MDGA2: variants seen among roughly 807,000 people sequenced by gnomAD.
MDGA2 encodes MAM domain-containing glycosylphosphatidylinositol anchor protein 2.
MDGA2 carries 40 observed loss-of-function variants against 117.8 expected under a neutral mutation model. That is an observed-to-expected ratio of 0.34 (90% CI 0.26 to 0.44). The LOEUF is 0.44. MDGA2 is among the 20% of genes least tolerant of loss of function. MDGA2 has a pLI of 1.00. For missense variants in MDGA2, 1,123 were observed against 1,250.6 expected (o/e 0.90, Z 1.54); for synonymous variants, 452 against 439.0 (o/e 1.03, Z -0.37).
chr14:46,926,846 TA>T, intron 9 of MDGA2, among the ~76,000 whole-genome samples: 1 of 151,948 alleles, frequency 6.6e-6, no homozygotes, highest in East Asian at 1.9e-4. Context: ...AGGAAACTAG[TA>T]AAAAAATACT....
At chr14:47,334,936 G>A (rs1415570484) in intron 1 of MDGA2, among the ~76,000 whole-genome samples, 1 of 151,834 alleles carries the variant, frequency 6.6e-6, no homozygotes, top group Non-Finnish European at 1.5e-5. Flanking sequence ...TAAAACAATG[G>A]GAATGTGAAT....
intron 9 of MDGA2, among the ~76,000 whole-genome samples, chr14:46,929,809 G>C (rs1435303060): frequency 1.3e-5 from 2 of 149,824 alleles, no homozygotes; most frequent in East Asian, 4.0e-4. Flanking sequence ...TCTAATTTTT[G>C]TATTTTTAGT....
intron 1 of MDGA2, among the ~76,000 whole-genome samples, chr14:47,592,458 C>T (rs898999480): frequency 5.3e-5 from 8 of 152,050 alleles, no homozygotes; most frequent in African/African-American, 1.9e-4. Flanking sequence ...AAGAACAAAG[C>T]TGGAGGCATC....
rs1043297221 is a variant in MDGA2, at chr14:46,957,485, G to A, written c.1978C>T (p.Gln660Ter). The A allele has an allele frequency of 6.2e-7, 1 of 1,614,092 alleles. No individual in the cohort carries two copies. Among genetic ancestry groups the A allele is most frequent in the Non-Finnish European group, 8.5e-7 (1 of 1,180,018 alleles). ...TTCACAGCGTACTCTGTGTATTCCT[G>A]AGAGTCAAATTGACCCGTCCGTAAT... ...KLLRTGQFDSQEYTEYAVKSL... is the reference protein window; with the variant it reads ...KLLRTGQFDS The change falls in exon 9 of 17, where the codon CAG (glutamine) becomes TAG (stop). Residue 660 changes from glutamine (Q) to a stop codon, truncating the protein, a stop_gained. Transcript: ENST00000399232. LOFTEE classifies it high-confidence loss of function.
intron 8 of MDGA2, among the ~76,000 whole-genome samples, chr14:46,987,935 G>T (rs1886925082): frequency 6.9e-6 from 1 of 144,834 alleles, no homozygotes; most frequent in African/African-American, 2.5e-5. Context: ...GGTGGGGGGG[G>T]GTGCGCGCGT....
intron 8 of MDGA2, among the ~76,000 whole-genome samples, chr14:47,005,041 C>A (rs1288445888): frequency 6.6e-6 from 1 of 151,538 alleles, no homozygotes; most frequent in Non-Finnish European, 1.5e-5. Flanking sequence ...ATGATAAGAT[C>A]ATCTGTGAAT....
At chr14:46,959,266 T>C (rs1190545245) in intron 8 of MDGA2, among the ~76,000 whole-genome samples, 1 of 121,396 alleles carries the variant, frequency 8.2e-6, no homozygotes, top group Non-Finnish European at 1.6e-5. Context: ...TGTGTGTGTG[T>C]GTGTGTGTGT....
chr14:47,535,059 T>C (rs1263974116), intron 1 of MDGA2, among the ~76,000 whole-genome samples: 1 of 152,210 alleles, frequency 6.6e-6, no homozygotes, highest in Non-Finnish European at 1.5e-5. Flanking sequence ...CAACATGTTT[T>C]TTACTTCTGT....
At position 47,639,155 on chromosome 14, in the gene MDGA2, T is replaced by G. The variant is rs141552240; in HGVS notation, c.280+35362A>C. 1.2e-3 allele frequency among the ~76,000 whole-genome samples: 185 copies of G among 152,334 alleles called. 1 individual carries two copies. Among genetic ancestry groups the G allele is most frequent in the African/African-American group, 4.3e-3 (180 of 41,578 alleles). On this transcript the variant is annotated intron_variant, in intron 1 of 16. Transcript: ENST00000399232. ...TTATTTTATATTTCTTTATAGCACT[T>G]ATCACCACCTGATATGCGTGAGTAT...
At chr14:47,152,631 T>C (rs1390902271) in intron 3 of MDGA2, among the ~76,000 whole-genome samples, 1 of 152,062 alleles carries the variant, frequency 6.6e-6, no homozygotes, top group African/African-American at 2.4e-5. Context: ...GTAAGCATTA[T>C]GTAAATAACT....
In MDGA2 at chr14:47,345,240, C is replaced by A. The variant is rs148103077; in HGVS notation, c.281-43690G>T. 3.1e-3 allele frequency among the ~76,000 whole-genome samples: 472 copies of A among 152,104 alleles called. 2 individuals are homozygous for A. The highest frequency in any genetic ancestry group is 0.011 in the African/African-American group (454 of 41,518). On this transcript the variant is annotated intron_variant, in intron 1 of 16. Transcript: ENST00000399232. ...AAATGTTCAACAGATGGCTCTCCTT[C>A]GATTTTATCCAATCTGGAAATGCCC...
chr14:47,454,041 C>A (rs1294408947), intron 1 of MDGA2, among the ~76,000 whole-genome samples: 1 of 152,176 alleles, frequency 6.6e-6, no homozygotes, highest in Non-Finnish European at 1.5e-5. Context: ...GCATACATTA[C>A]TTTGAAATCT....
At chr14:46,919,694 C>G (rs868668799) in intron 10 of MDGA2, among the ~76,000 whole-genome samples, 1 of 151,988 alleles carries the variant, frequency 6.6e-6, no homozygotes, top group Non-Finnish European at 1.5e-5. Context: ...AAATAAGTTC[C>G]TTTTATGAAG....
intron 11 of MDGA2, among the ~76,000 whole-genome samples, chr14:46,881,382 T>C (rs1274818542): frequency 2.6e-5 from 4 of 152,118 alleles, no homozygotes; most frequent in Non-Finnish European, 5.9e-5. Context: ...GGGTAGAGCA[T>C]GGGAACTTTT....
chr14:47,144,815 A>ATTT (rs60842690), intron 3 of MDGA2, among the ~76,000 whole-genome samples: 3 of 130,436 alleles, frequency 2.3e-5, no homozygotes, highest in East Asian at 2.3e-4. Flanking sequence ...TGCCCGGCTA[A>ATTT]TTTTTTTTTT....
chr14:47,059,200 A>T, intron 7 of MDGA2: 1 of 848,940 alleles, frequency 1.2e-6, no homozygotes, highest in Non-Finnish European at 1.7e-6. Context: ...AGTACCTTCT[A>T]TGTGCCATGT....
At chr14:47,361,938 T>G (rs1438889779) in intron 1 of MDGA2, among the ~76,000 whole-genome samples, 1 of 152,194 alleles carries the variant, frequency 6.6e-6, no homozygotes, top group African/African-American at 2.4e-5. Context: ...TTATTTTGAT[T>G]TTCTGGTGGT....
chr14:47,581,447 A>T (rs1896226102), intron 1 of MDGA2, among the ~76,000 whole-genome samples: 1 of 152,008 alleles, frequency 6.6e-6, no homozygotes, highest in African/African-American at 2.4e-5. Context: ...TTTTAAAAAG[A>T]ATCAAATAAT....
chr14:47,087,813 A>C (rs922206534), intron 6 of MDGA2, among the ~76,000 whole-genome samples: 1 of 151,944 alleles, frequency 6.6e-6, no homozygotes, highest in East Asian at 1.9e-4. Flanking sequence ...AAAAAAAAAA[A>C]AAAAAACTAC....
Sources: gnomAD v4.1 joint callset for allele counts (sites outside exome capture counted in the v4.1 genomes callset) on GRCh38, gnomAD v4.1.1 for gene constraint, MANE v1.5 for transcripts, NCBI Gene and HGNC (gene_info 2026-07-23, HGNC 2026-07-21) for gene names.